The following PASK variants were observed in gnomAD, a reference collection of about 807,000 sequenced individuals.
The protein encoded by PASK is PAS domain containing serine/threonine kinase.
A neutral mutation model predicts 121.0 loss-of-function variants in PASK; 110 were observed. The ratio of observed to expected loss-of-function variants is 0.91; its 90% CI spans 0.78 to 1.06. The LOEUF (loss-of-function observed/expected upper bound fraction) is 1.06, where lower values mean the gene tolerates loss of function less well. PASK is among the 50% of genes least tolerant of loss of function. The probability of loss-of-function intolerance (pLI) is 0.00; values close to 1 mark genes in which losing one functional copy is unlikely to be tolerated. For synonymous variants in PASK, 686 were observed against 717.8 expected, an observed-to-expected ratio of 0.96 and a Z score of 0.71; for missense variants, 1,643 against 1,702.3, an observed-to-expected ratio of 0.97 and a Z score of 0.61.
At chr2:241,147,803 G>A (rs768727716) in intron 1 of PASK, among the ~76,000 whole-genome samples, 3 of 152,184 alleles carry the variant, frequency 2.0e-5, no homozygotes, top group Admixed American at 1.3e-4. Context: ...TAAAGTTGTG[G>A]AAGTTTAATT....
At chr2:241,143,169 C>G (rs2066791620) in intron 1 of PASK, 95 bp from the exon 2 acceptor site, 8 of 734,980 alleles carry the variant, frequency 1.1e-5, no homozygotes, top group Non-Finnish European at 1.9e-5. Flanking sequence ...AGCTCGGCCC[C>G]AAAAGACATA....
intron 1 of PASK, among the ~76,000 whole-genome samples, chr2:241,149,177 G>A (rs1000010692): frequency 7.9e-5 from 12 of 152,136 alleles, no homozygotes; most frequent in African/African-American, 2.7e-4. Flanking sequence ...AAGACGCTGG[G>A]GGCGCGGGGC....
intron 9 of PASK, 64 bp downstream of exon 9, chr2:241,132,809 TC>T: frequency 1.5e-6 from 2 of 1,297,698 alleles, no homozygotes; most frequent in South Asian, 2.4e-5. Flanking sequence ...TCTGACTTGT[TC>T]CTCATTCACC....
intron 12 of PASK, among the ~76,000 whole-genome samples, chr2:241,119,959 T>G (rs554502421): frequency 6.6e-6 from 1 of 152,158 alleles, no homozygotes; most frequent in East Asian, 1.9e-4. Context: ...TTTAAATATT[T>G]TAAGCAGAAA....
In PASK at chr2:241,112,347, G is replaced by C; in HGVS notation, c.3426C>G (p.Ile1142Met). 1 of 1,613,506 alleles carries C rather than the reference G, an allele frequency of 6.2e-7. No individual in the cohort carries two copies. The highest frequency in any genetic ancestry group is 8.5e-7 in the Non-Finnish European group (1 of 1,179,578). ...CGGCCGAGCCAAAGTCTATCAGCTT[G>C]ATTGTGAAGTCCTCGGCGATCACGA... ...ENIVIAEDFT[I>M]KLIDFGSAAY... Residue 1142 changes from isoleucine to methionine, a missense_variant, in exon 15 of 18, where the codon ATC (isoleucine) becomes ATG (methionine). Physicochemically the swap from Ile to Met is conservative, Grantham distance 10 (BLOSUM62 1). Transcript: ENST00000234040. The surrounding 1 kb of genome is among the most constrained non-coding windows in gnomAD (Gnocchi z 5.2).
At position 241,126,913 on chromosome 2, in the gene PASK, G is replaced by A. The variant is rs1340123279; in HGVS notation, c.2002C>T (p.Gln668Ter). 6.2e-7 allele frequency: 1 copy of A among 1,614,064 alleles called. No individual in the cohort carries two copies. The highest frequency in any genetic ancestry group is 8.5e-7 in the Non-Finnish European group (1 of 1,179,960). The change falls in exon 10 of 18, where the codon CAG becomes TAG. Residue 668 changes from glutamine to a stop codon, truncating the protein, a stop_gained. Coordinates refer to ENST00000234040, the MANE Select transcript of PASK (RefSeq NM_015148.4). LOFTEE classifies it high-confidence loss of function. ...TCCAGGGCTCCTGCAAGGCTCAACT[G>A]GGACAGCTGCTCCTTAATCAAGCAG... ...QTCLIKEQLS[Q>*]LSLAGALDVP...
Position 241,143,693 on chromosome 2 carries a change from A to C in PASK, c.-42-619T>G, listed in dbSNP as rs1422557349. 1.6e-4 allele frequency among the ~76,000 whole-genome samples: 25 copies of C among 152,224 alleles called. 1 individual carries two copies. The highest frequency in any genetic ancestry group is 1.6e-3 in the Admixed American group (25 of 15,278). ...AAGGCAGGGACTGCAGGTACACACC[A>C]ACTGAAAATACTCCCAGGTCATGAT... On this transcript the variant is annotated intron_variant, in intron 1 of 17. Transcript: ENST00000234040.
chr2:241,113,674 C>T, intron 14 of PASK: 8 of 962,242 alleles, frequency 8.3e-6, no homozygotes, highest in Non-Finnish European at 9.9e-6. Context: ...TTAACTAGTA[C>T]TGAGAGATTA....
Position 241,114,461 on chromosome 2 carries a change from C to G in PASK, c.3333+582G>C, listed in dbSNP as rs370357996. The stretch of plus-strand genomic sequence containing the variant: ...GAACCGCCACCCTCTCCTTAAAACC[C>G]AACACGAGTTACCGTTTCTTCCCCC... On this transcript the variant is annotated intron_variant, in intron 14 of 17. Coordinates refer to ENST00000234040, the MANE Select transcript of PASK (RefSeq NM_015148.4). 7 of 997,428 alleles carry G rather than the reference C, an allele frequency of 7.0e-6. No individual in the cohort carries two copies. The African/African-American group carries it at 1.0e-4, about 15-fold the overall frequency. 61.8% of individuals were successfully genotyped at this position (997,428 alleles called of 1,614,324 possible). A position where few individuals can be genotyped will look rare whatever the true frequency, so the allele number is the denominator to read the frequency against.
intron 12 of PASK, chr2:241,118,904 C>T (rs2065484640): frequency 1.9e-6 from 2 of 1,030,252 alleles, no homozygotes; most frequent in South Asian, 4.3e-5. Context: ...AGCTGGCTGC[C>T]GAGATCTTCT....
At chr2:241,113,920 T>C (rs1381392438) in intron 14 of PASK, 5 of 984,280 alleles carry the variant, frequency 5.1e-6, no homozygotes, top group African/African-American at 3.5e-5. Context: ...CTTTATAAAA[T>C]TGTGCATCTG....
chr2:241,116,891 G>C (rs2125411558), intron 12 of PASK, among the ~76,000 whole-genome samples: 1 of 152,318 alleles, frequency 6.6e-6, no homozygotes, highest in Non-Finnish European at 1.5e-5. Context: ...AACGATGAGT[G>C]CCAAGAAGGA....
intron 1 of PASK, among the ~76,000 whole-genome samples, chr2:241,146,592 T>C (rs1309017932): frequency 1.3e-5 from 2 of 152,122 alleles, no homozygotes; most frequent in East Asian, 3.8e-4. Context: ...CACACAAGGG[T>C]GAATCTTAGC....
intron 5 of PASK, 53 bp downstream of exon 5, chr2:241,138,601 G>C: frequency 6.2e-7 from 1 of 1,603,350 alleles, no homozygotes; most frequent in Non-Finnish European, 8.5e-7. Context: ...CTGAAGAGGA[G>C]AACGACGCCG....
rs2066654679 is a variant in PASK at position 241,140,553 on chromosome 2, C to T, written c.397G>A (p.Ala133Thr). Residue 133 changes from alanine (A) to threonine (T), a missense_variant, in exon 3 of 18, where the codon GCC (alanine) becomes ACC (threonine). Ala to Thr is a moderately conservative substitution (Grantham distance 58). Coordinates refer to ENST00000234040, the MANE Select transcript of PASK (RefSeq NM_015148.4). ...GTCTTGGCATCCACCGTGAAGATGG[C>T]CTTGTTAGGGTTGCACACAGGGGCC... Reference protein sequence around the residue: ...LPAPVCNPNKAIFTVDAKTTE... With the variant: ...LPAPVCNPNKTIFTVDAKTTE... The T allele has an allele frequency of 1.2e-6, 2 of 1,613,562 alleles. No homozygotes were observed. Among genetic ancestry groups the T allele is most frequent in the African/African-American group, 2.7e-5 (2 of 74,902 alleles).
At chr2:241,136,232 T>C (rs760072746) in intron 7 of PASK, among the ~76,000 whole-genome samples, 193 bp from the exon 8 acceptor site, 1 of 152,224 alleles carries the variant, frequency 6.6e-6, no homozygotes, top group Admixed American at 6.5e-5. Context: ...TGATCTGTGA[T>C]TTTCCCCTTA....
At chr2:241,149,763 G>A (rs896724457), upstream of PASK, 18 of 1,538,856 alleles carry the variant, frequency 1.2e-5, no homozygotes, top group African/African-American at 2.5e-4. Flanking sequence ...CGGAGGACGC[G>A]GGGCGGCTCG....
chr2:241,115,327 G>T lies in PASK; in HGVS notation c.3159C>A (p.Ile1053=), dbSNP rs149104048. ...DPKLGKVTLE[I]AILSRVEHAN... ...CGTGCTCCACCCTGGATAGAATTGC[G>T]ATCTCTAAAGTAACTTTCCCAAGTT... Residue 1053 remains isoleucine, a synonymous_variant, in exon 13 of 18, where the codon ATC becomes ATA. Transcript: ENST00000234040. 824 of 1,613,736 alleles carry T rather than the reference G, an allele frequency of 5.1e-4. 1 individual carries two copies. Among genetic ancestry groups the T allele is most frequent in the Non-Finnish European group, 6.6e-4 (776 of 1,179,814 alleles).
In PASK at chr2:241,139,981, C is replaced by T. The variant is rs139828636; in HGVS notation, c.504G>A (p.Thr168=). 26 of 1,613,932 alleles carry T rather than the reference C, an allele frequency of 1.6e-5. No homozygotes were observed. The African/African-American group carries it at 2.7e-4, about 17-fold the overall frequency. ...CAGAATCTGACCTCAGAAAGAACTGCGTGAGCTTCTGGCCAATCAGGTCCT... is the reference window on the plus strand; with the variant it reads ...CAGAATCTGACCTCAGAAAGAACTGTGTGAGCTTCTGGCCAATCAGGTCCT... The part of the protein sequence containing the change: ...SSQDLIGQKL[T]QFFLRSDSDV... The change falls in exon 4 of 18, where the codon ACG becomes ACA. Residue 168 remains threonine, a synonymous_variant. Transcript: ENST00000234040.
Sources: allele counts gnomAD v4.1 joint callset (sites outside exome capture counted in the v4.1 genomes callset), GRCh38; gene constraint gnomAD v4.1.1; non-coding constraint Gnocchi (gnomAD v3.1); transcripts MANE v1.5; gene names NCBI Gene and HGNC (gene_info 2026-07-23, HGNC 2026-07-21).